Variants in CNTN6 observed in about 807,000 individuals in gnomAD.
The protein encoded by CNTN6 is contactin 6.
CNTN6 carries 137 observed loss-of-function variants against 122.8 expected under a neutral mutation model. That is an observed-to-expected ratio of 1.12 (90% CI 0.97 to 1.29). CNTN6 has a LOEUF of 1.29. CNTN6 is among the 50% of genes most tolerant of loss of function. CNTN6 has a pLI of 0.00. For synonymous variants in CNTN6, 570 were observed against 426.0 expected, an observed-to-expected ratio of 1.34 and a Z score of -4.16; for missense variants, 1,634 against 1,223.4, an observed-to-expected ratio of 1.34 and a Z score of -5.01.
chr3:1,301,230 T>C (rs1423752192), intron 7 of CNTN6, among the ~76,000 whole-genome samples: 1 of 151,842 alleles, frequency 6.6e-6, no homozygotes, highest in African/African-American at 2.4e-5. Flanking sequence ...AGAGGCGGAG[T>C]TTCACTGTGT....
At chr3:1,159,574 AT>A (rs950459488) in intron 2 of CNTN6, among the ~76,000 whole-genome samples, 20 of 151,614 alleles carry the variant, frequency 1.3e-4, no homozygotes, top group Admixed American at 3.9e-4. Flanking sequence ...TATATATAGA[AT>A]TTTTTTTTAT....
intron 1 of CNTN6, among the ~76,000 whole-genome samples, chr3:1,121,650 T>A (rs573286806): frequency 1.1e-4 from 17 of 152,084 alleles, no homozygotes; most frequent in African/African-American, 3.9e-4. Context: ...TTTGCCTTTC[T>A]GATTTTTTTT....
chr3:1,204,929 C>T (rs866850289), intron 2 of CNTN6, among the ~76,000 whole-genome samples: 1 of 152,062 alleles, frequency 6.6e-6, no homozygotes, highest in South Asian at 2.1e-4. Flanking sequence ...ACATGTGAAT[C>T]TGTTAGATTA....
intron 4 of CNTN6, among the ~76,000 whole-genome samples, chr3:1,239,501 A>T (rs1191545917): frequency 1.3e-5 from 2 of 152,162 alleles, no homozygotes; most frequent in East Asian, 3.9e-4. Flanking sequence ...AAACTATGAA[A>T]CACTGCTGAA....
chr3:1,289,963 T>A (rs9839158), intron 5 of CNTN6, among the ~76,000 whole-genome samples: 2 of 151,808 alleles, frequency 1.3e-5, no homozygotes, highest in Non-Finnish European at 2.9e-5. Context: ...CGTGAGCCAA[T>A]GCGCCCGGCG....
At chr3:1,177,261 G>T (rs1218007805) in intron 2 of CNTN6, among the ~76,000 whole-genome samples, 1 of 152,148 alleles carries the variant, frequency 6.6e-6, no homozygotes, top group African/African-American at 2.4e-5. Context: ...TGGGGGGTTT[G>T]TTGAATAAAC....
rs937190631 is a variant in CNTN6 at position 1,178,791 on chromosome 3, A to C, written c.55+30728A>C. ...CTGGGTTTGGGTTTGTTATGCTTGC[A>C]CTCTACCACTGGCTTCCACTTCCTT... On this transcript the variant is annotated intron_variant, in intron 2 of 22. Coordinates refer to ENST00000446702, the MANE Select transcript of CNTN6 (RefSeq NM_001289080.2). Among the ~76,000 whole-genome samples the C allele has an allele frequency of 4.6e-5, 7 of 151,990 alleles. No homozygotes were observed. The East Asian group carries it at 1.4e-3, about 29-fold the overall frequency.
At chr3:1,167,443 G>A (rs969784970) in intron 2 of CNTN6, among the ~76,000 whole-genome samples, 1 of 152,142 alleles carries the variant, frequency 6.6e-6, no homozygotes, top group Non-Finnish European at 1.5e-5. Flanking sequence ...TGTCTCCGAA[G>A]TACCTAACAT....
intron 2 of CNTN6, among the ~76,000 whole-genome samples, chr3:1,163,235 A>G (rs1026581649): frequency 1.3e-5 from 2 of 152,188 alleles, no homozygotes; most frequent in Non-Finnish European, 2.9e-5. Context: ...CCCTTGGGTA[A>G]TTATGAGTGA....
intron 7 of CNTN6, among the ~76,000 whole-genome samples, chr3:1,317,649 C>T (rs890179036): frequency 2.0e-5 from 3 of 151,620 alleles, no homozygotes; most frequent in African/African-American, 7.3e-5. Context: ...CAAAAAACCT[C>T]AGTGGAAAGA....
chr3:1,216,264 G>T (rs1213291567), intron 2 of CNTN6, among the ~76,000 whole-genome samples: 1 of 151,986 alleles, frequency 6.6e-6, no homozygotes, highest in Non-Finnish European at 1.5e-5. Context: ...TCCAGATTTA[G>T]AAGTTATAAT....
intron 2 of CNTN6, among the ~76,000 whole-genome samples, chr3:1,176,499 C>T (rs748187195): frequency 1.3e-5 from 2 of 151,950 alleles, no homozygotes; most frequent in African/African-American, 2.4e-5. Flanking sequence ...TAGCATGCAA[C>T]GGTGATGGAG....
At chr3:1,361,188 A>G (rs937534640) in intron 12 of CNTN6, among the ~76,000 whole-genome samples, 4 of 152,064 alleles carry the variant, frequency 2.6e-5, no homozygotes, top group African/African-American at 9.7e-5. Context: ...CACCACACAC[A>G]CGCTAAACCC....
chr3:1,346,813 G>C (rs1296404340), intron 11 of CNTN6, among the ~76,000 whole-genome samples: 1 of 152,042 alleles, frequency 6.6e-6, no homozygotes, highest in Non-Finnish European at 1.5e-5. Flanking sequence ...CACATGCTGC[G>C]GGTAAAGAAG....
At chr3:1,375,493 T>A (rs1319146957) in intron 16 of CNTN6, among the ~76,000 whole-genome samples, 1 of 152,100 alleles carries the variant, frequency 6.6e-6, no homozygotes, top group Non-Finnish European at 1.5e-5. Context: ...TAAAATTGAA[T>A]AGGGAAAGGA....
intron 11 of CNTN6, among the ~76,000 whole-genome samples, chr3:1,330,146 A>G (rs868787837): frequency 6.6e-6 from 1 of 152,078 alleles, no homozygotes; most frequent in Non-Finnish European, 1.5e-5. Context: ...GTTAGCTGCA[A>G]TATTTTCAGT....
intron 1 of CNTN6, among the ~76,000 whole-genome samples, chr3:1,116,667 G>C (rs1379033774): frequency 1.3e-5 from 2 of 149,670 alleles, no homozygotes; most frequent in Non-Finnish European, 3.0e-5. Context: ...GTTAAAATTG[G>C]ATGCCAATGG....
intron 20 of CNTN6, among the ~76,000 whole-genome samples, chr3:1,389,677 G>T (rs548466179): frequency 1.3e-5 from 2 of 151,814 alleles, no homozygotes; most frequent in Non-Finnish European, 2.9e-5. Flanking sequence ...CCCATCTCAC[G>T]TGCAGAGACA....
At chr3:1,329,478 A>G (rs1008951826) in intron 10 of CNTN6, among the ~76,000 whole-genome samples, 5 of 151,776 alleles carry the variant, frequency 3.3e-5, no homozygotes, top group Admixed American at 3.3e-4. Context: ...CAAAACAAAA[A>G]TAAGTTGCAT....
Sources: gnomAD v4.1 joint callset for allele counts (sites outside exome capture counted in the v4.1 genomes callset) on GRCh38, gnomAD v4.1.1 for gene constraint, MANE v1.5 for transcripts, NCBI Gene and HGNC (gene_info 2026-07-23, HGNC 2026-07-21) for gene names.